Variants in PCDH7 observed in about 807,000 individuals in gnomAD.
PCDH7 encodes the protein protocadherin-7.
In PCDH7, 17 loss-of-function variants were observed where a neutral mutation model predicts 58.9. The observed-to-expected ratio is 0.29, with a 90% confidence interval of 0.20 to 0.43. The LOEUF (loss-of-function observed/expected upper bound fraction) is 0.43, where lower values mean the gene tolerates loss of function less well. Ranked by LOEUF, PCDH7 falls within the 20% of genes least tolerant of loss-of-function variation. The pLI, the probability that PCDH7 is intolerant of heterozygous loss-of-function variation, is 1.00. For synonymous variants in PCDH7, 664 were observed against 616.4 expected, an observed-to-expected ratio of 1.08 and a Z score of -1.14; for missense variants, 1,274 against 1,441.0, an observed-to-expected ratio of 0.88 and a Z score of 1.88.
At chr4:30,923,013 T>C (rs1392462824) in intron 2 of PCDH7, among the ~76,000 whole-genome samples, 1 of 152,168 alleles carries the variant, frequency 6.6e-6, no homozygotes, top group Non-Finnish European at 1.5e-5. Flanking sequence ...CAAGTATTCA[T>C]TTGTCACATT....
At chr4:31,030,307 T>G (rs1025539141) in intron 3 of PCDH7, among the ~76,000 whole-genome samples, 7 of 152,182 alleles carry the variant, frequency 4.6e-5, no homozygotes, top group African/African-American at 1.7e-4. Context: ...GGCCAGCTAT[T>G]TAGTACTAGG....
Position 30,721,103 on chromosome 4 carries a change from C to G in PCDH7, c.-320C>G, listed in dbSNP as rs1481960293. On this transcript the variant is annotated 5_prime_UTR_variant, in exon 1 of 2. Coordinates refer to ENST00000361762, the Ensembl canonical transcript of PCDH7. The surrounding 1 kb of genome is among the most constrained non-coding windows in gnomAD (Gnocchi z 6.7). The stretch of plus-strand genomic sequence containing the variant: ...GGTTGGGGGAGCGCCGAACCCGCGG[C>G]GCGCAGTGTCCCGTGAACTGTGAGT... 3 of 322,924 alleles carry G rather than the reference C, an allele frequency of 9.3e-6. No individual in the cohort carries two copies. Among genetic ancestry groups the G allele is most frequent in the African/African-American group, 6.5e-5 (3 of 46,252 alleles). The allele number at this position is 322,924 out of a possible 1,614,324, so 20.0% of individuals were successfully genotyped here. A position where few individuals can be genotyped will look rare whatever the true frequency, so the allele number is the denominator to read the frequency against.
chr4:30,721,747 T>A lies in PCDH7; in HGVS notation c.325T>A (p.Phe109Ile). The A allele has an allele frequency of 6.2e-7, 1 of 1,613,804 alleles. No homozygotes were observed. Among genetic ancestry groups the A allele is most frequent in the Non-Finnish European group, 8.5e-7 (1 of 1,179,968 alleles). Residue 109 changes from phenylalanine to isoleucine, a missense_variant, in exon 1 of 2, where the codon TTC becomes ATC. Coordinates refer to ENST00000361762, the Ensembl canonical transcript of PCDH7. This position sits in a 1 kb window ranked among gnomAD's most constrained non-coding sequence, Gnocchi z 6.7. ...GATGATCTTCGACGAGAACGAGTGCTTCCTGGACTTCGAGGTGTCGGTGAT... is the reference window on the plus strand; with the variant it reads ...GATGATCTTCGACGAGAACGAGTGCATCCTGGACTTCGAGGTGTCGGTGAT...
At chr4:31,031,717 T>C (rs1311933628) in intron 3 of PCDH7, among the ~76,000 whole-genome samples, 3 of 152,236 alleles carry the variant, frequency 2.0e-5, no homozygotes, top group Non-Finnish European at 4.4e-5. Flanking sequence ...TAAAAATTTC[T>C]TTCCATCTCA....
At chr4:31,076,995 A>G (rs1393554565) in intron 3 of PCDH7, among the ~76,000 whole-genome samples, 3 of 152,176 alleles carry the variant, frequency 2.0e-5, no homozygotes, top group Non-Finnish European at 4.4e-5. Context: ...GGTACATCCT[A>G]TGAGATCTTC....
chr4:31,127,863 T>C lies in PCDH7; in HGVS notation c.*8-14610T>C, dbSNP rs75726796. On this transcript the variant is annotated intron_variant, in intron 3 of 3. Transcript: ENST00000509759. ...GCAAATGTCATAGGATAACATACAG[T>C]TTACACAGAAATAGCCAAAATACAC... is the stretch of plus-strand genomic sequence containing the variant. Among the ~76,000 whole-genome samples, 1,004 of 152,076 alleles carry C rather than the reference T, an allele frequency of 6.6e-3. 15 individuals carry two copies. Among genetic ancestry groups the C allele is most frequent in the African/African-American group, 0.023 (961 of 41,512 alleles).
chr4:31,139,430 C>A (rs971004757), intron 3 of PCDH7, among the ~76,000 whole-genome samples: 1 of 152,138 alleles, frequency 6.6e-6, no homozygotes, highest in Non-Finnish European at 1.5e-5. Context: ...TTAGAAAAGA[C>A]ATCCTTCAGT....
intron 3 of PCDH7, among the ~76,000 whole-genome samples, chr4:30,954,161 C>G (rs1318805059): frequency 6.6e-6 from 1 of 152,140 alleles, no homozygotes; most frequent in Non-Finnish European, 1.5e-5. Flanking sequence ...CTGCAAGGCC[C>G]TGCACATCTG....
intron 3 of PCDH7, among the ~76,000 whole-genome samples, chr4:31,126,536 T>C (rs185457329): frequency 6.6e-6 from 1 of 152,326 alleles, no homozygotes; most frequent in East Asian, 1.9e-4. Context: ...TCCTTAATCC[T>C]GGAAACTTCT....
At chr4:30,866,809 AG>A (rs1485791840) in intron 1 of PCDH7, among the ~76,000 whole-genome samples, 2 of 152,132 alleles carry the variant, frequency 1.3e-5, no homozygotes, top group African/African-American at 2.4e-5. Flanking sequence ...GGACTTGCAA[AG>A]GAAAGATGAA....
chr4:30,977,415 A>T (rs1359380973), intron 3 of PCDH7, among the ~76,000 whole-genome samples: 1 of 152,206 alleles, frequency 6.6e-6, no homozygotes, highest in African/African-American at 2.4e-5. Context: ...GGTACTAATT[A>T]GCAGGATTTT....
rs201966585 is a variant in PCDH7, at chr4:30,861,337, G to A, written c.71-58816G>A. Reference sequence around the variant, plus strand: ...ATGCAGGTATAACATGATTAACCAGGGTGATATTTGTATTTTCTTAACAGT... The same window carrying A: ...ATGCAGGTATAACATGATTAACCAGAGTGATATTTGTATTTTCTTAACAGT... On this transcript the variant is annotated intron_variant, in intron 1 of 3. Coordinates refer to the PCDH7 transcript ENST00000509759. Among the ~76,000 whole-genome samples, 11 of 152,156 alleles carry A rather than the reference G, an allele frequency of 7.2e-5. No homozygotes were observed. In the East Asian group the frequency reaches 2.1e-3, roughly 29 times the overall value.
At chr4:31,042,514 T>A (rs771330314) in intron 3 of PCDH7, among the ~76,000 whole-genome samples, 11 of 152,130 alleles carry the variant, frequency 7.2e-5, no homozygotes, top group Non-Finnish European at 1.6e-4. Context: ...TATTTATGAA[T>A]CGTTTATGCA....
At chr4:30,917,669 T>C (rs1742653455) in intron 1 of PCDH7, among the ~76,000 whole-genome samples, 1 of 151,988 alleles carries the variant, frequency 6.6e-6, no homozygotes, top group Admixed American at 6.6e-5. Flanking sequence ...TTTATAGAGA[T>C]TAAAATATGC....
chr4:30,819,169 G>C (rs573593291), intron 1 of PCDH7, among the ~76,000 whole-genome samples: 2 of 152,256 alleles, frequency 1.3e-5, no homozygotes, highest in Admixed American at 1.3e-4. Flanking sequence ...AAGTCTTCTA[G>C]AAATTTCCCA....
chr4:30,734,513 C>T (rs1232264720), downstream of PCDH7, among the ~76,000 whole-genome samples: 1 of 152,142 alleles, frequency 6.6e-6, no homozygotes, highest in Non-Finnish European at 1.5e-5. Flanking sequence ...GGATTACAGG[C>T]TTGTGCCACT....
rs370034723 is a variant in PCDH7, at chr4:31,097,638, A to ATAGTC, written c.*8-44835_*8-44834insTAGTC. Among the ~76,000 whole-genome samples the ATAGTC allele has an allele frequency of 2.5e-5, 2 of 79,210 alleles. 1 individual carries two copies. The highest frequency in any genetic ancestry group is 4.9e-5 in the Non-Finnish European group (2 of 41,218). The allele number at this position is 79,210 out of a possible 152,430, so 52.0% of individuals were successfully genotyped here. On this transcript the variant is annotated intron_variant, in intron 3 of 3. Coordinates refer to the PCDH7 transcript ENST00000509759. Reference sequence around the variant, plus strand: ...TATATATATATATATATATATATATAAATCTTTTTTCTGTAATTTCTGTAA... The same window carrying ATAGTC: ...TATATATATATATATATATATATATATAGTCAATCTTTTTTCTGTAATTTCTGTAA...
intron 1 of PCDH7, among the ~76,000 whole-genome samples, chr4:30,856,666 T>C (rs1733494879): frequency 6.7e-6 from 1 of 148,630 alleles, no homozygotes; most frequent in African/African-American, 2.5e-5. Context: ...GTAAGTAATT[T>C]TGTAAGTACT....
chr4:30,822,264 C>G (rs554157453), intron 1 of PCDH7, among the ~76,000 whole-genome samples: 1 of 152,200 alleles, frequency 6.6e-6, no homozygotes, highest in African/African-American at 2.4e-5. Flanking sequence ...TTCATTTACT[C>G]AAAATAATGA....
Sources: gnomAD v4.1 joint callset for allele counts (sites outside exome capture counted in the v4.1 genomes callset) on GRCh38, gnomAD v4.1.1 for gene constraint, Gnocchi (gnomAD v3.1) non-coding constraint, MANE v1.5 for transcripts, NCBI Gene and HGNC (gene_info 2026-07-23, HGNC 2026-07-21) for gene names.